The following G3BP1 variants were observed in gnomAD, a reference collection of about 807,000 sequenced individuals.
G3BP1 encodes the protein ras GTPase-activating protein-binding protein 1.
In G3BP1, 35 loss-of-function variants were observed where a neutral mutation model predicts 58.6. That is an observed-to-expected ratio of 0.60 (90% confidence interval 0.46 to 0.79). The LOEUF (loss-of-function observed/expected upper bound fraction) is 0.79, where lower values mean the gene tolerates loss of function less well. Among genes scored for constraint, G3BP1 ranks in the 30% least tolerant of loss-of-function variants. G3BP1 has a pLI of 0.00. For synonymous variants in G3BP1, 191 were observed against 195.4 expected, an observed-to-expected ratio of 0.98 and a Z score of 0.19; for missense variants, 523 against 580.8, an observed-to-expected ratio of 0.90 and a Z score of 1.02.
In G3BP1 at chr5:151,804,385, AT is replaced by A. The variant is rs764968969; in HGVS notation, c.*310del. The A allele has an allele frequency of 0.1, 19,775 of 196,870 alleles. 11 individuals carry two copies. Among genetic ancestry groups the A allele is most frequent in the East Asian group, 0.16 (1,589 of 9,754 alleles). 12.2% of individuals were successfully genotyped at this position (196,870 alleles called of 1,614,324 possible). A position where few individuals can be genotyped will look rare whatever the true frequency, so the allele number is the denominator to read the frequency against. On this transcript the variant is annotated 3_prime_UTR_variant, in exon 12 of 12. Coordinates refer to ENST00000356245, the MANE Select transcript of G3BP1 (RefSeq NM_005754.3). ...TGCTTACTTTGCATATACAGACTGG[AT>A]TTTTTTTTTTTTTTTACAGCCATTT...
Position 151,810,480 on chromosome 5 carries a change from C to T in G3BP1, c.*6389C>T, listed in dbSNP as rs1216882263. ...CTCATCTACTTTCCACATTTTCCCT[C>T]TTGTTTGAGGTCCTGTTCCAACCTT... On this transcript the variant is annotated 3_prime_UTR_variant, in exon 12 of 12. Coordinates refer to ENST00000356245, the MANE Select transcript of G3BP1 (RefSeq NM_005754.3). The T allele has an allele frequency of 6.6e-6, 1 of 152,234 alleles. No individual in the cohort carries two copies. The highest frequency in any genetic ancestry group is 2.4e-5 in the African/African-American group (1 of 41,450). 9.4% of individuals were successfully genotyped at this position (152,234 alleles called of 1,614,324 possible). A position where few individuals can be genotyped will look rare whatever the true frequency, so the allele number is the denominator to read the frequency against.
At chr5:151,783,287 C>T (rs1305423981) in intron 1 of G3BP1, among the ~76,000 whole-genome samples, 1 of 151,944 alleles carries the variant, frequency 6.6e-6, no homozygotes, top group Non-Finnish European at 1.5e-5. Flanking sequence ...TATTTTTGGT[C>T]CAGAAAAGAT....
intron 2 of G3BP1, among the ~76,000 whole-genome samples, chr5:151,788,297 G>A (rs537298162): frequency 6.6e-6 from 1 of 152,214 alleles, no homozygotes; most frequent in Admixed American, 6.5e-5. Context: ...CATTGTAAGA[G>A]AGTTAACTTC....
chr5:151,802,315 C>G (rs554589500), intron 11 of G3BP1, among the ~76,000 whole-genome samples: 1 of 152,280 alleles, frequency 6.6e-6, no homozygotes, highest in South Asian at 2.1e-4. Context: ...TAGATAAATC[C>G]ATCATTCAGC....
At chr5:151,802,660 A>G (rs1235149660) in intron 11 of G3BP1, among the ~76,000 whole-genome samples, 1 of 152,180 alleles carries the variant, frequency 6.6e-6, no homozygotes, top group Non-Finnish European at 1.5e-5. Flanking sequence ...AGAGCTGGGC[A>G]CAGTGGCTCA....
Position 151,804,523 on chromosome 5 carries a change from A to G in G3BP1, c.*432A>G, listed in dbSNP as rs1762911426. On this transcript the variant is annotated 3_prime_UTR_variant, in exon 12 of 12. Coordinates refer to ENST00000356245, the MANE Select transcript of G3BP1 (RefSeq NM_005754.3). ...TGTAAGAAATACAGGATTTGATAATATTTTGAAGGCAGGAAAAACCCAAAT... is the reference window on the plus strand; with the variant it reads ...TGTAAGAAATACAGGATTTGATAATGTTTTGAAGGCAGGAAAAACCCAAAT... 1 of 153,360 alleles carries G rather than the reference A, an allele frequency of 6.5e-6. No homozygotes were observed. The highest frequency in any genetic ancestry group is 6.5e-5 in the Admixed American group (1 of 15,304). 9.5% of individuals were successfully genotyped at this position (153,360 alleles called of 1,614,324 possible).
At chr5:151,800,558 CT>C (rs1762832858) in intron 10 of G3BP1, among the ~76,000 whole-genome samples, 1 of 152,076 alleles carries the variant, frequency 6.6e-6, no homozygotes, top group South Asian at 2.1e-4. Flanking sequence ...ATATTTTACA[CT>C]TTTTCATAAT....
At chr5:151,791,161 T>TA in intron 4 of G3BP1, 99 bp downstream of exon 4, 1 of 1,041,824 alleles carries the variant, frequency 9.6e-7, no homozygotes, top group Non-Finnish European at 1.5e-6. Context: ...ATTTCAGACT[T>TA]ACAGAAAACT....
At chr5:151,791,958 T>G (rs1762666170) in intron 4 of G3BP1, 1 of 384,114 alleles carries the variant, frequency 2.6e-6, no homozygotes, top group Non-Finnish European at 5.1e-6. Context: ...CCAGCCTTAT[T>G]TTTTCTCTTT....
At chr5:151,777,741 C>A (rs1762397895) in intron 1 of G3BP1, among the ~76,000 whole-genome samples, 1 of 152,118 alleles carries the variant, frequency 6.6e-6, no homozygotes, top group African/African-American at 2.4e-5. Context: ...GAAGGTATAC[C>A]CATGAAACCA....
chr5:151,809,730 T>A lies in G3BP1; in HGVS notation c.*5639T>A, dbSNP rs562596559. 1 of 152,292 alleles carries A rather than the reference T, an allele frequency of 6.6e-6. No homozygotes were observed. Among genetic ancestry groups the A allele is most frequent in the Admixed American group, 6.5e-5 (1 of 15,308 alleles). 9.4% of individuals were successfully genotyped at this position (152,292 alleles called of 1,614,324 possible). A position where few individuals can be genotyped will look rare whatever the true frequency, so the allele number is the denominator to read the frequency against. On this transcript the variant is annotated 3_prime_UTR_variant, in exon 12 of 12. Transcript: ENST00000356245. ...TAATATGGTGATCATCAGTTTAGAT[T>A]CACTGTAGGAAGGGCAGCCCTGTTA...
Position 151,804,402 on chromosome 5 carries a change from A to G in G3BP1, c.*311A>G. The G allele has an allele frequency of 4.5e-6, 1 of 221,196 alleles. No individual in the cohort carries two copies. Among genetic ancestry groups the G allele is most frequent in the Non-Finnish European group, 8.5e-6 (1 of 118,224 alleles). 13.7% of individuals were successfully genotyped at this position (221,196 alleles called of 1,614,324 possible). On this transcript the variant is annotated 3_prime_UTR_variant, in exon 12 of 12. Coordinates refer to ENST00000356245, the MANE Select transcript of G3BP1 (RefSeq NM_005754.3). ...CAGACTGGATTTTTTTTTTTTTTTT[A>G]CAGCCATTTCCCCAAAGGAATGTCT...
At chr5:151,794,677 G>A (rs376560826) in intron 5 of G3BP1, among the ~76,000 whole-genome samples, 3 of 152,212 alleles carry the variant, frequency 2.0e-5, no homozygotes, top group South Asian at 2.1e-4. Flanking sequence ...TTTCAAAGCT[G>A]TTTGCTATAT....
Position 151,790,411 on chromosome 5 carries a change from A to C in G3BP1, c.177+7A>C, listed in dbSNP as rs772711764. ...TGCAGTCTACGGACAGAAAGTAAGC[A>C]TTTCAAGCCTTATTTAGGCTGTTAA... is the stretch of plus-strand genomic sequence containing the variant. On this transcript the variant is annotated splice_region_variant and intron_variant, in intron 3 of 11. Transcript: ENST00000356245. The C allele has an allele frequency of 1.3e-6, 2 of 1,527,184 alleles. No individual in the cohort carries two copies. Among genetic ancestry groups the C allele is most frequent in the South Asian group, 2.4e-5 (2 of 82,050 alleles). 94.6% of individuals were successfully genotyped at this position (1,527,184 alleles called of 1,614,324 possible).
At chr5:151,786,873 C>T (rs1200397099) in intron 2 of G3BP1, 158 bp downstream of exon 2, 8 of 570,476 alleles carry the variant, frequency 1.4e-5, no homozygotes, top group East Asian at 3.1e-5. Context: ...GACAGAGTCT[C>T]GCCCTGTTGT....
At chr5:151,796,433 T>C (rs576975455) in intron 6 of G3BP1, among the ~76,000 whole-genome samples, 35 of 152,276 alleles carry the variant, frequency 2.3e-4, no homozygotes, top group Non-Finnish European at 4.1e-4. Flanking sequence ...CATGCCCGGC[T>C]AAGTTTTGTG....
intron 5 of G3BP1, among the ~76,000 whole-genome samples, chr5:151,794,462 C>T (rs1010471359): frequency 1.3e-5 from 2 of 152,156 alleles, no homozygotes; most frequent in Non-Finnish European, 2.9e-5. Context: ...ACATAAGACT[C>T]TTAGGTCAGA....
chr5:151,777,864 T>C (rs1158235218), intron 1 of G3BP1, among the ~76,000 whole-genome samples: 1 of 151,308 alleles, frequency 6.6e-6, no homozygotes, highest in Non-Finnish European at 1.5e-5. Flanking sequence ...AAATCCTTGA[T>C]CTTTTTATCA....
chr5:151,800,701 C>T, intron 10 of G3BP1, 59 bp from the exon 11 acceptor site: 1 of 1,005,270 alleles, frequency 9.9e-7, no homozygotes, highest in Non-Finnish European at 1.6e-6. Flanking sequence ...GGACTGTGTA[C>T]ATGTAATGTT....
Sources: allele counts gnomAD v4.1 joint callset (sites outside exome capture counted in the v4.1 genomes callset), GRCh38; gene constraint gnomAD v4.1.1; transcripts MANE v1.5; gene names NCBI Gene and HGNC (gene_info 2026-07-23, HGNC 2026-07-21).